FSTL5: variants seen among roughly 807,000 people sequenced by gnomAD.
FSTL5 encodes follistatin like 5.
A neutral mutation model predicts 89.1 loss-of-function variants in FSTL5; 62 were observed. The observed-to-expected ratio is 0.70, with a 90% CI of 0.57 to 0.86. The LOEUF (loss-of-function observed/expected upper bound fraction) is 0.86, where lower values mean the gene tolerates loss of function less well. FSTL5 is among the 40% of genes least tolerant of loss of function. The probability of loss-of-function intolerance (pLI) is 0.00; values close to 1 mark genes in which losing one functional copy is unlikely to be tolerated. For synonymous variants in FSTL5, 383 were observed against 346.2 expected (o/e 1.11, Z -1.18); for missense variants, 1,057 against 1,001.6 (o/e 1.06, Z -0.75).
intron 2 of FSTL5, among the ~76,000 whole-genome samples, chr4:162,046,571 T>G (rs1738189142): frequency 6.6e-6 from 1 of 152,016 alleles, no homozygotes; most frequent in South Asian, 2.1e-4. Context: ...AGGAGAAAAT[T>G]TATGCCTGGC....
intron 15 of FSTL5, among the ~76,000 whole-genome samples, chr4:161,449,166 G>A (rs1733061687): frequency 6.6e-6 from 1 of 151,966 alleles, no homozygotes; most frequent in African/African-American, 2.4e-5. Flanking sequence ...TCATCTTACT[G>A]CTTATCATGT....
intron 2 of FSTL5, among the ~76,000 whole-genome samples, chr4:162,073,995 G>A (rs180995462): frequency 2.1e-4 from 32 of 151,728 alleles, no homozygotes; most frequent in Non-Finnish European, 4.0e-4. Context: ...ACATCTCTCA[G>A]TTGTTCCACT....
intron 4 of FSTL5, among the ~76,000 whole-genome samples, chr4:161,832,474 C>T (rs1730879051): frequency 6.6e-6 from 1 of 152,154 alleles, no homozygotes; most frequent in African/African-American, 2.4e-5. Flanking sequence ...CCTCCTTGTA[C>T]TTCTGGTAGA....
chr4:161,754,537 A>G (rs541185584), intron 6 of FSTL5, among the ~76,000 whole-genome samples: 5 of 152,184 alleles, frequency 3.3e-5, no homozygotes, highest in African/African-American at 4.8e-5. Flanking sequence ...TACTACAGTC[A>G]AAGTAATTTA....
chr4:161,775,830 G>T, intron 5 of FSTL5, 48 bp downstream of exon 5: 3 of 913,662 alleles, frequency 3.3e-6, no homozygotes, highest in South Asian at 2.6e-5. Context: ...TAAATATATT[G>T]TGCATGCTAT....
chr4:161,887,319 C>A (rs147201424), intron 4 of FSTL5, among the ~76,000 whole-genome samples: 20 of 152,196 alleles, frequency 1.3e-4, no homozygotes, highest in African/African-American at 4.3e-4. Context: ...TCAGTCATAT[C>A]TCTAGGAACA....
intron 4 of FSTL5, among the ~76,000 whole-genome samples, chr4:161,825,567 A>C (rs1730642473): frequency 6.6e-6 from 1 of 151,730 alleles, no homozygotes; most frequent in South Asian, 2.1e-4. Context: ...AATATTGCTG[A>C]TTGTTATTTG....
chr4:161,680,416 T>A (rs4691782), intron 6 of FSTL5, among the ~76,000 whole-genome samples: 1 of 151,708 alleles, frequency 6.6e-6, no homozygotes, highest in Non-Finnish European at 1.5e-5. Context: ...TCAGCTTTAG[T>A]TTCACTAACG....
intron 4 of FSTL5, among the ~76,000 whole-genome samples, chr4:161,785,205 C>T (rs1184135952): frequency 6.6e-6 from 1 of 152,124 alleles, no homozygotes; most frequent in Non-Finnish European, 1.5e-5. Flanking sequence ...AAAAGTTTCA[C>T]ATGAGGTACA....
chr4:161,849,523 C>T (rs1432632005), intron 4 of FSTL5, among the ~76,000 whole-genome samples: 2 of 74,252 alleles, frequency 2.7e-5, no homozygotes, highest in South Asian at 1.1e-3. Context: ...TCATTGCCCT[C>T]GACCTACACA....
chr4:161,973,815 TA>T (rs1307221229), intron 3 of FSTL5, among the ~76,000 whole-genome samples: 2 of 152,134 alleles, frequency 1.3e-5, no homozygotes, highest in Non-Finnish European at 2.9e-5. Flanking sequence ...CAGAGTCACT[TA>T]AAAGATTATC....
chr4:161,747,199 CTT>C (rs756964017), intron 6 of FSTL5, among the ~76,000 whole-genome samples: 1 of 152,134 alleles, frequency 6.6e-6, no homozygotes, highest in Non-Finnish European at 1.5e-5. Context: ...TTAAATGTGA[CTT>C]GAAATATTAA....
intron 4 of FSTL5, among the ~76,000 whole-genome samples, chr4:161,780,377 A>G (rs1741620109): frequency 6.6e-6 from 1 of 152,070 alleles, no homozygotes; most frequent in African/African-American, 2.4e-5. Context: ...TCATTTTCTC[A>G]AGTTAATTGA....
At chr4:161,423,709 C>T (rs909081321) in intron 15 of FSTL5, among the ~76,000 whole-genome samples, 1 of 151,948 alleles carries the variant, frequency 6.6e-6, no homozygotes, top group Non-Finnish European at 1.5e-5. Flanking sequence ...CAGATACAGG[C>T]CATAATGAAA....
At chr4:161,590,357 G>A (rs1733770148) in intron 7 of FSTL5, among the ~76,000 whole-genome samples, 1 of 152,080 alleles carries the variant, frequency 6.6e-6, no homozygotes, top group Non-Finnish European at 1.5e-5. Flanking sequence ...CGGCCAACAT[G>A]AGGAAACCCC....
chr4:161,660,597 T>A (rs7676854), intron 6 of FSTL5, among the ~76,000 whole-genome samples: 32,267 of 152,042 alleles, frequency 0.21, 4,013 homozygotes, highest in Non-Finnish European at 0.26. Flanking sequence ...ACCCATTAGT[T>A]ATTTTTCCTG....
At chr4:161,903,039 C>A (rs1733416069) in intron 4 of FSTL5, among the ~76,000 whole-genome samples, 1 of 152,086 alleles carries the variant, frequency 6.6e-6, no homozygotes. Context: ...ATACTAGAAA[C>A]GGAGTTGAAT....
intron 3 of FSTL5, among the ~76,000 whole-genome samples, chr4:162,000,541 T>C (rs1208932473): frequency 6.6e-6 from 1 of 150,808 alleles, no homozygotes; most frequent in Non-Finnish European, 1.5e-5. Context: ...GAGGTTGCAG[T>C]GAGCCGAGAT....
chr4:161,900,405 G>A (rs1002086867), intron 4 of FSTL5, among the ~76,000 whole-genome samples: 1 of 151,606 alleles, frequency 6.6e-6, no homozygotes, highest in Non-Finnish European at 1.5e-5. Context: ...ATGGGAGGCA[G>A]GGGTGGGTGG....
Sources: allele counts gnomAD v4.1 joint callset (sites outside exome capture counted in the v4.1 genomes callset), GRCh38; gene constraint gnomAD v4.1.1; transcripts MANE v1.5; gene names NCBI Gene and HGNC (gene_info 2026-07-23, HGNC 2026-07-21).